Variants in ATRNL1 observed in about 807,000 individuals in gnomAD.
The protein encoded by ATRNL1 is attractin-like protein 1.
In ATRNL1, 95 loss-of-function variants were observed where a neutral mutation model predicts 182.7. The observed-to-expected ratio is 0.52, with a 90% CI of 0.44 to 0.62. ATRNL1 has a LOEUF of 0.62. Among genes scored for constraint, ATRNL1 ranks in the 20% least tolerant of loss-of-function variants. The probability of loss-of-function intolerance (pLI) is 0.00; values close to 1 mark genes in which losing one functional copy is unlikely to be tolerated. For synonymous variants in ATRNL1, 576 were observed against 568.3 expected, an observed-to-expected ratio of 1.01 and a Z score of -0.19; for missense variants, 1,471 against 1,679.5, an observed-to-expected ratio of 0.88 and a Z score of 2.17.
chr10:115,491,596 C>T (rs1849304289), intron 24 of ATRNL1, among the ~76,000 whole-genome samples: 1 of 152,122 alleles, frequency 6.6e-6, no homozygotes, highest in South Asian at 2.1e-4. Context: ...CGCCACTCCC[C>T]CCACCAAGCT....
intron 26 of ATRNL1, among the ~76,000 whole-genome samples, chr10:115,612,278 A>G (rs1555019253): frequency 6.6e-6 from 1 of 151,850 alleles, no homozygotes; most frequent in East Asian, 1.9e-4. Flanking sequence ...AAGACAACCG[A>G]GGAAGTTTGG....
chr10:115,708,762 A>G (rs782174596), intron 26 of ATRNL1, among the ~76,000 whole-genome samples: 5 of 151,782 alleles, frequency 3.3e-5, no homozygotes, highest in Admixed American at 6.6e-5. Flanking sequence ...GCTAAAGGAT[A>G]TCATTTAAGC....
At chr10:115,382,463 TA>T (rs1858073086) in intron 19 of ATRNL1, among the ~76,000 whole-genome samples, 1 of 152,022 alleles carries the variant, frequency 6.6e-6, no homozygotes, top group East Asian at 1.9e-4. Flanking sequence ...ATTATTTTTT[TA>T]ATTTCATTTT....
chr10:115,187,843 G>T (rs1157456767), intron 8 of ATRNL1, among the ~76,000 whole-genome samples: 4 of 151,362 alleles, frequency 2.6e-5, no homozygotes, highest in Middle Eastern at 3.4e-3. Flanking sequence ...CAGCATGCCT[G>T]GTTAATTTTT....
At position 115,489,686 on chromosome 10, in the gene ATRNL1, A is replaced by T. The variant is rs561769144; in HGVS notation, c.3654+20357A>T. ...GGGTCTTGACTCTATCCAATTTGCC[A>T]GTCTGTGTCTTTTAATTGGGGCATT... is the stretch of plus-strand genomic sequence containing the variant. On this transcript the variant is annotated intron_variant, in intron 24 of 28. Transcript: ENST00000355044. Among the ~76,000 whole-genome samples the T allele has an allele frequency of 2.0e-5, 3 of 152,312 alleles. No homozygotes were observed. The East Asian group carries it at 5.8e-4, about 29-fold the overall frequency.
chr10:115,944,894 T>C lies in ATRNL1; in HGVS notation c.*115T>C. The C allele has an allele frequency of 8.1e-7, 1 of 1,228,778 alleles. No homozygotes were observed. Among genetic ancestry groups the C allele is most frequent in the South Asian group, 2.6e-5 (1 of 38,482 alleles). The allele number at this position is 1,228,778 out of a possible 1,614,324, so 76.1% of individuals were successfully genotyped here. A position where few individuals can be genotyped will look rare whatever the true frequency, so the allele number is the denominator to read the frequency against. On this transcript the variant is annotated 3_prime_UTR_variant, in exon 29 of 29. Coordinates refer to ENST00000355044, the MANE Select transcript of ATRNL1 (RefSeq NM_207303.4). ...ATCTCTGTATCATCCAGAGCCTGAG[T>C]ACAGTTTCCTTCCAAATGGACAATG...
chr10:115,655,473 A>C (rs959734387), intron 26 of ATRNL1, among the ~76,000 whole-genome samples: 1 of 152,176 alleles, frequency 6.6e-6, no homozygotes, highest in African/African-American at 2.4e-5. Context: ...GACCCTAAGG[A>C]ATAAAATTTT....
At chr10:115,790,295 C>T (rs1949499693) in intron 27 of ATRNL1, among the ~76,000 whole-genome samples, 1 of 151,580 alleles carries the variant, frequency 6.6e-6, no homozygotes, top group Non-Finnish European at 1.5e-5. Flanking sequence ...AAAGAGCCTT[C>T]TTTCCTTGAA....
intron 26 of ATRNL1, among the ~76,000 whole-genome samples, chr10:115,662,730 A>G (rs1326244319): frequency 6.6e-6 from 1 of 152,168 alleles, no homozygotes; most frequent in Non-Finnish European, 1.5e-5. Flanking sequence ...AATTCCACCT[A>G]TCTGATCATT....
chr10:115,179,414 T>C (rs1847660807), intron 8 of ATRNL1, among the ~76,000 whole-genome samples: 1 of 152,064 alleles, frequency 6.6e-6, no homozygotes, highest in Non-Finnish European at 1.5e-5. Flanking sequence ...TGTCCTCATA[T>C]AGCTATTTTC....
intron 19 of ATRNL1, among the ~76,000 whole-genome samples, chr10:115,378,124 T>C (rs1857780687): frequency 6.6e-6 from 1 of 152,048 alleles, no homozygotes. Flanking sequence ...GAGGCCAAGG[T>C]CTTCATATCT....
chr10:115,487,716 T>G lies in ATRNL1; in HGVS notation c.3654+18387T>G, dbSNP rs572416707. ...TTCCTCTTTTCCTATTTGAATACCC[T>G]TTATTTCTTTCTCTTGCCTGATTGC... On this transcript the variant is annotated intron_variant, in intron 24 of 28. Transcript: ENST00000355044. 2.6e-5 allele frequency among the ~76,000 whole-genome samples: 4 copies of G among 152,280 alleles called. No individual in the cohort carries two copies. In the East Asian group the frequency reaches 7.7e-4, roughly 29 times the overall value.
In ATRNL1 at chr10:115,819,184, G is replaced by A. The variant is rs566722781; in HGVS notation, c.3904-28693G>A. ...CATATGCCTGTGATGCCAGTTCTCTGGATCTGCAAGCCCATCAGCCACCAG... is the reference window on the plus strand; with the variant it reads ...CATATGCCTGTGATGCCAGTTCTCTAGATCTGCAAGCCCATCAGCCACCAG... On this transcript the variant is annotated intron_variant, in intron 27 of 28. Transcript: ENST00000355044. Among the ~76,000 whole-genome samples the A allele has an allele frequency of 2.0e-5, 3 of 152,062 alleles. No individual in the cohort carries two copies. The East Asian group carries it at 5.8e-4, about 30-fold the overall frequency.
At chr10:115,683,809 T>C (rs1295969570) in intron 26 of ATRNL1, among the ~76,000 whole-genome samples, 1 of 152,004 alleles carries the variant, frequency 6.6e-6, no homozygotes, top group Non-Finnish European at 1.5e-5. Flanking sequence ...AATTGAAATT[T>C]ATTCCTCAAA....
chr10:115,355,409 A>G (rs1486715092), intron 19 of ATRNL1, among the ~76,000 whole-genome samples: 4 of 152,108 alleles, frequency 2.6e-5, no homozygotes, highest in African/African-American at 7.2e-5. Flanking sequence ...CTCTAGGTAC[A>G]TAGCCTGGGT....
rs1010789850 is a variant in ATRNL1, at chr10:115,643,416, C to T, written c.3796-83832C>T. Among the ~76,000 whole-genome samples the T allele has an allele frequency of 3.9e-5, 6 of 152,030 alleles. No homozygotes were observed. In the Middle Eastern group the frequency reaches 0.01, roughly 259 times the overall value. On this transcript the variant is annotated intron_variant, in intron 26 of 28. Transcript: ENST00000355044. ...AGGAGAAAATCTTTGTGACCTGGAC[C>T]AGGAAAAGACTTTCTAGGTATGATA...
chr10:115,336,987 G>T (rs993939035), intron 19 of ATRNL1, among the ~76,000 whole-genome samples: 1 of 146,940 alleles, frequency 6.8e-6, no homozygotes, highest in South Asian at 2.1e-4. Flanking sequence ...CTGGGGGGGG[G>T]GGACTACAGG....
At chr10:115,104,067 G>A (rs1250611364) in intron 1 of ATRNL1, among the ~76,000 whole-genome samples, 1 of 152,152 alleles carries the variant, frequency 6.6e-6, no homozygotes, top group Non-Finnish European at 1.5e-5. Flanking sequence ...CTAGCAGTGG[G>A]ATTGCTGAAT....
chr10:115,377,965 T>A (rs984199350), intron 19 of ATRNL1, among the ~76,000 whole-genome samples: 1 of 152,106 alleles, frequency 6.6e-6, no homozygotes, highest in Non-Finnish European at 1.5e-5. Flanking sequence ...TGTGGCCACA[T>A]ATATGGACTA....
Sources: gnomAD v4.1 joint callset for allele counts (sites outside exome capture counted in the v4.1 genomes callset) on GRCh38, gnomAD v4.1.1 for gene constraint, MANE v1.5 for transcripts, NCBI Gene and HGNC (gene_info 2026-07-23, HGNC 2026-07-21) for gene names.